SOS2: variants seen among roughly 807,000 people sequenced by gnomAD.
SOS2 encodes the protein son of sevenless homolog 2.
Under a neutral mutation model 148.2 loss-of-function variants are expected in SOS2, and 65 were observed. The observed-to-expected ratio is 0.44, with a 90% CI of 0.36 to 0.54. SOS2 has a LOEUF of 0.54. SOS2 is among the 20% of genes least tolerant of loss of function. The probability of loss-of-function intolerance (pLI) is 0.00; values close to 1 mark genes in which losing one functional copy is unlikely to be tolerated. For missense variants in SOS2, 1,341 were observed against 1,590.2 expected, an observed-to-expected ratio of 0.84 and a Z score of 2.67; for synonymous variants, 539 against 537.1, an observed-to-expected ratio of 1.00 and a Z score of -0.05.
chr14:50,161,677 G>T, intron 8 of SOS2, 68 bp from the exon 9 acceptor site: 4 of 1,439,738 alleles, frequency 2.8e-6, no homozygotes, highest in Non-Finnish European at 3.8e-6. Flanking sequence ...TCTAGTAATA[G>T]AAAAAGCAGC....
At chr14:50,200,023 G>A (rs567091376) in intron 3 of SOS2, among the ~76,000 whole-genome samples, 168 bp from the exon 4 acceptor site, 1 of 152,212 alleles carries the variant, frequency 6.6e-6, no homozygotes, top group East Asian at 1.9e-4. Flanking sequence ...CCTGTATTAG[G>A]GGATTTTTTT....
intron 1 of SOS2, among the ~76,000 whole-genome samples, chr14:50,207,696 G>A (rs185095936): frequency 6.7e-4 from 102 of 151,670 alleles, no homozygotes; most frequent in African/African-American, 2.3e-3. Context: ...ATCTGAGGTC[G>A]GGAGTTCGAG....
chr14:50,207,126 C>T (rs867016750), intron 1 of SOS2, among the ~76,000 whole-genome samples: 6 of 152,134 alleles, frequency 3.9e-5, no homozygotes, highest in East Asian at 1.9e-4. Context: ...CAATCTTAAG[C>T]GAACATTTAG....
intron 19 of SOS2, among the ~76,000 whole-genome samples, 199 bp from the exon 20 acceptor site, chr14:50,130,961 G>A (rs1883847787): frequency 6.6e-6 from 1 of 152,012 alleles, no homozygotes; most frequent in South Asian, 2.1e-4. Context: ...AAATGAATTG[G>A]AATATAAGTA....
chr14:50,163,367 T>A (rs969268572), intron 8 of SOS2, among the ~76,000 whole-genome samples: 3 of 152,220 alleles, frequency 2.0e-5, no homozygotes, highest in African/African-American at 7.2e-5. Flanking sequence ...TGGTTCCCTT[T>A]CCTCAGCAAA....
At chr14:50,222,290 G>A (rs1338298374) in intron 1 of SOS2, among the ~76,000 whole-genome samples, 1 of 152,212 alleles carries the variant, frequency 6.6e-6, no homozygotes, top group East Asian at 1.9e-4. Flanking sequence ...AAATTCTTTT[G>A]GGGATACACA....
chr14:50,215,360 T>G, intron 1 of SOS2: 2 of 1,265,878 alleles, frequency 1.6e-6, no homozygotes. Context: ...AAACACACAA[T>G]GTTAAAATCT....
rs1416341563 is a variant in SOS2 at position 50,180,426 on chromosome 14, A to C, written c.969+146T>G. The C allele has an allele frequency of 1.7e-4, 92 of 555,646 alleles. 2 individuals are homozygous for C. In the South Asian group the frequency reaches 2.3e-3, roughly 14 times the overall value. 34.4% of individuals were successfully genotyped at this position (555,646 alleles called of 1,614,324 possible). A position where few individuals can be genotyped will look rare whatever the true frequency, so the allele number is the denominator to read the frequency against. On this transcript the variant is annotated intron_variant, in intron 7 of 22. Transcript: ENST00000216373. Reference sequence around the variant, plus strand: ...AGACAGAACTCCAGAGAGAAAACAGAAGATAATCCAAAACAGGTTTAGAAT... The same window carrying C: ...AGACAGAACTCCAGAGAGAAAACAGCAGATAATCCAAAACAGGTTTAGAAT...
intron 1 of SOS2, among the ~76,000 whole-genome samples, chr14:50,207,372 A>T (rs567305131): frequency 6.6e-6 from 1 of 152,122 alleles, no homozygotes; most frequent in South Asian, 2.1e-4. Context: ...TTAGCTGGGC[A>T]TGGTGGCATA....
intron 3 of SOS2, among the ~76,000 whole-genome samples, chr14:50,200,279 G>C (rs769425187): frequency 2.0e-5 from 3 of 151,134 alleles, no homozygotes; most frequent in Non-Finnish European, 3.0e-5. Flanking sequence ...CAGGCGGGGC[G>C]GGGGGGGCTT....
chr14:50,147,201 A>G (rs533155767), intron 14 of SOS2, among the ~76,000 whole-genome samples: 2 of 151,830 alleles, frequency 1.3e-5, no homozygotes, highest in East Asian at 1.9e-4. Flanking sequence ...ATCTTAAACA[A>G]ACAAACAACA....
intron 11 of SOS2, among the ~76,000 whole-genome samples, 197 bp from the exon 12 acceptor site, chr14:50,157,318 A>G (rs1476536350): frequency 6.6e-6 from 1 of 152,166 alleles, no homozygotes; most frequent in African/African-American, 2.4e-5. Flanking sequence ...CTTTTATAAA[A>G]ACTAAAGTTT....
chr14:50,195,864 T>G (rs992434101), intron 4 of SOS2, among the ~76,000 whole-genome samples: 1 of 151,670 alleles, frequency 6.6e-6, no homozygotes, highest in African/African-American at 2.4e-5. Context: ...CCCCGTCTAC[T>G]AAAAACACAA....
chr14:50,215,735 C>A (rs937284904), intron 1 of SOS2, among the ~76,000 whole-genome samples: 7 of 149,966 alleles, frequency 4.7e-5, no homozygotes, highest in African/African-American at 1.5e-4. Context: ...TAAAAAAAAA[C>A]AAAAAACAAA....
At position 50,210,971 on chromosome 14, in the gene SOS2, T is replaced by C. The variant is rs1886850412; in HGVS notation, c.88-6562A>G. On this transcript the variant is annotated intron_variant, in intron 1 of 22. Transcript: ENST00000216373. ...AATGTTTCAATCACTTTCAAAAACT[T>C]TGCCATTAAGTACTAAAGTTCAAGA... 2.6e-5 allele frequency among the ~76,000 whole-genome samples: 4 copies of C among 152,242 alleles called. No individual in the cohort carries two copies. The South Asian group carries it at 8.3e-4, about 32-fold the overall frequency.
intron 8 of SOS2, among the ~76,000 whole-genome samples, chr14:50,167,065 C>T (rs1196442428): frequency 6.6e-6 from 1 of 151,640 alleles, no homozygotes; most frequent in East Asian, 1.9e-4. Context: ...CCTAAAAACC[C>T]CAAAACAAAC....
intron 6 of SOS2, among the ~76,000 whole-genome samples, chr14:50,181,100 T>C (rs1282061502): frequency 6.6e-6 from 1 of 152,172 alleles, no homozygotes; most frequent in Non-Finnish European, 1.5e-5. Flanking sequence ...GTTCTAAAAA[T>C]GTATCTAGTC....
At chr14:50,166,948 C>T (rs1203844927) in intron 8 of SOS2, among the ~76,000 whole-genome samples, 1 of 152,182 alleles carries the variant, frequency 6.6e-6, no homozygotes, top group Non-Finnish European at 1.5e-5. Flanking sequence ...GGGCTCATGC[C>T]TGTAATCTCT....
intron 2 of SOS2, among the ~76,000 whole-genome samples, chr14:50,201,643 A>G (rs1301834261): frequency 1.3e-5 from 2 of 152,106 alleles, no homozygotes; most frequent in Non-Finnish European, 2.9e-5. Context: ...CATAATTAAG[A>G]TGAACCGGAA....
Sources: gnomAD v4.1 joint callset for allele counts (sites outside exome capture counted in the v4.1 genomes callset) on GRCh38, gnomAD v4.1.1 for gene constraint, MANE v1.5 for transcripts, NCBI Gene and HGNC (gene_info 2026-07-23, HGNC 2026-07-21) for gene names.